The following ACOT7 variants were observed in gnomAD, a reference collection of about 807,000 sequenced individuals.
The protein encoded by ACOT7 is acyl-CoA thioesterase 7, also known as cytosolic acyl coenzyme A thioester hydrolase.
ACOT7 carries 12 observed loss-of-function variants against 40.2 expected under a neutral mutation model. That is an observed-to-expected ratio of 0.30 (90% CI 0.19 to 0.48). The LOEUF (loss-of-function observed/expected upper bound fraction) is 0.48, where lower values mean the gene tolerates loss of function less well. Among genes scored for constraint, ACOT7 ranks in the 20% least tolerant of loss-of-function variants. The pLI, the probability that ACOT7 is intolerant of heterozygous loss-of-function variation, is 0.99. For missense variants in ACOT7, 395 were observed against 530.8 expected (o/e 0.74, Z 2.51); for synonymous variants, 228 against 219.5 (o/e 1.04, Z -0.34).
intron 3 of ACOT7, among the ~76,000 whole-genome samples, chr1:6,334,318 C>A (rs1027853505): frequency 6.6e-6 from 1 of 152,262 alleles, no homozygotes; most frequent in African/African-American, 2.4e-5. Flanking sequence ...ATCCCATCCA[C>A]CTGTCTAAGC....
chr1:6,357,909 C>G (rs915955148), intron 1 of ACOT7, among the ~76,000 whole-genome samples: 3 of 151,602 alleles, frequency 2.0e-5, no homozygotes, highest in Non-Finnish European at 4.4e-5. Flanking sequence ...CTCTGTCACC[C>G]AGGCTGGAAT....
intron 1 of ACOT7, among the ~76,000 whole-genome samples, chr1:6,366,921 G>A (rs768695161): frequency 1.7e-4 from 26 of 151,494 alleles, no homozygotes; most frequent in Admixed American, 4.6e-4. Context: ...GAGTCAGGCC[G>A]GGCGCGGTGG....
chr1:6,305,016 G>A lies in ACOT7; in HGVS notation c.713-10036C>T, dbSNP rs1330435847. On this transcript the variant is annotated intron_variant, in intron 6 of 8. Transcript: ENST00000361521. The stretch of plus-strand genomic sequence containing the variant: ...CCTCCCGGACGGGGCGGCTGGCCGG[G>A]CGGGGCGCTGACCCCCCCGCCTCCC... 1.6e-4 allele frequency among the ~76,000 whole-genome samples: 24 copies of A among 149,888 alleles called. No homozygotes were observed. In the East Asian group the frequency reaches 2.7e-3, roughly 17 times the overall value.
intron 3 of ACOT7, among the ~76,000 whole-genome samples, chr1:6,333,958 G>A (rs372595793): frequency 1.3e-5 from 2 of 152,166 alleles, no homozygotes; most frequent in Non-Finnish European, 2.9e-5. Context: ...TTCAGACCAC[G>A]TGGTTTAAGC....
rs918531145 is a variant in ACOT7 at position 6,306,195 on chromosome 1, G to A, written c.713-11215C>T. ...GAGACCGTGGCAAGAGAGGGAGAGG[G>A]AGACCGTGGGGAGAGGGGGAGGGGG... On this transcript the variant is annotated intron_variant, in intron 6 of 8. Transcript: ENST00000361521. This position sits in a 1 kb window ranked among gnomAD's most constrained non-coding sequence, Gnocchi z 4.3. 3.0e-5 allele frequency: 28 copies of A among 939,102 alleles called. No homozygotes were observed. Among genetic ancestry groups the A allele is most frequent in the Non-Finnish European group, 3.5e-5 (28 of 792,448 alleles). The allele number at this position is 939,102 out of a possible 1,614,324, so 58.2% of individuals were successfully genotyped here.
intron 6 of ACOT7, among the ~76,000 whole-genome samples, chr1:6,307,415 G>A (rs1640187140): frequency 6.6e-6 from 1 of 152,256 alleles, no homozygotes. Context: ...GGGAATGCAG[G>A]AGTGAACAGA....
rs11807743 is a variant in ACOT7 at position 6,291,302 on chromosome 1, A to T, written c.829+3562T>A. Among the ~76,000 whole-genome samples, 161 of 152,178 alleles carry T rather than the reference A, an allele frequency of 1.1e-3. 1 individual carries two copies. Among genetic ancestry groups the T allele is most frequent in the African/African-American group, 3.7e-3 (153 of 41,532 alleles). ...CAAGTGTCCTTATAAGAGACAGAAG[A>T]GGAGAGACACACAGAGGAAGAGGCC... On this transcript the variant is annotated intron_variant, in intron 7 of 8. Coordinates refer to ENST00000361521, the MANE Select transcript of ACOT7 (RefSeq NM_007274.4).
intron 3 of ACOT7, among the ~76,000 whole-genome samples, chr1:6,336,541 G>A (rs1158468264): frequency 1.3e-5 from 2 of 152,134 alleles, no homozygotes; most frequent in Non-Finnish European, 2.9e-5. Flanking sequence ...GCACAGCCCA[G>A]GTAAAGGGGA....
chr1:6,279,481 G>C (rs973239571), intron 8 of ACOT7, among the ~76,000 whole-genome samples: 1 of 152,228 alleles, frequency 6.6e-6, no homozygotes, highest in Admixed American at 6.5e-5. Context: ...CCTCGCACCA[G>C]AAGGGGAGCA....
Position 6,264,618 on chromosome 1 carries a change from G to A in ACOT7, c.1092C>T (p.Gly364=), listed in dbSNP as rs1327199051. The A allele has an allele frequency of 3.1e-6, 5 of 1,612,898 alleles. No homozygotes were observed. The highest frequency in any genetic ancestry group is 4.2e-6 in the Non-Finnish European group (5 of 1,179,888). ...RYLQMKAKRQ[G]HAEPQP ...GAGTCTAGGGCTGAGGCTCCGCGTG[G>A]CCCTGTCGCTTCGCCTTCATCTGCA... Residue 364 remains glycine (G), a synonymous_variant, in exon 9 of 9, where the codon GGC becomes GGT. Coordinates refer to ENST00000361521, the MANE Select transcript of ACOT7 (RefSeq NM_007274.4).
chr1:6,365,337 C>T (rs372396850), intron 1 of ACOT7, among the ~76,000 whole-genome samples: 5 of 152,002 alleles, frequency 3.3e-5, no homozygotes, highest in African/African-American at 4.8e-5. Context: ...TCCAGATCAC[C>T]GCAACAAAGC....
At chr1:6,326,107 C>G (rs1040140140) in intron 5 of ACOT7, among the ~76,000 whole-genome samples, 5 of 152,230 alleles carry the variant, frequency 3.3e-5, no homozygotes, top group Non-Finnish European at 7.3e-5. Flanking sequence ...ATGAGGTACC[C>G]TGTGGAACCC....
chr1:6,309,117 G>A (rs978742869), intron 6 of ACOT7, among the ~76,000 whole-genome samples: 23 of 152,246 alleles, frequency 1.5e-4, no homozygotes, highest in African/African-American at 2.7e-4. Flanking sequence ...AGGCAAAACA[G>A]ACGTGGTCTC....
At chr1:6,387,081 C>T (rs1235887921) in intron 1 of ACOT7, among the ~76,000 whole-genome samples, 1 of 152,062 alleles carries the variant, frequency 6.6e-6, no homozygotes, top group African/African-American at 2.4e-5. Flanking sequence ...GACACAGGAG[C>T]GAGGCCCAGC....
rs1641161688 is a variant in ACOT7, at chr1:6,338,207, G to A, written c.418+1226C>T. On this transcript the variant is annotated intron_variant, in intron 3 of 8. Transcript: ENST00000361521. The surrounding 1 kb of genome is among the most constrained non-coding windows in gnomAD (Gnocchi z 4.4). ...AGCAGGAAGGTCCTAGGAAGCAGGA[G>A]AGCGCGGCAGGCCATCCCTCCTCTC... Among the ~76,000 whole-genome samples the A allele has an allele frequency of 6.6e-6, 1 of 152,146 alleles. No homozygotes were observed. The highest frequency in any genetic ancestry group is 2.4e-5 in the African/African-American group (1 of 41,432).
intron 5 of ACOT7, among the ~76,000 whole-genome samples, chr1:6,323,487 G>A (rs1383304677): frequency 2.0e-5 from 3 of 152,098 alleles, no homozygotes; most frequent in Non-Finnish European, 4.4e-5. Context: ...GGAGGCTGAG[G>A]CGGGCGGATC....
rs975790919 is a variant in ACOT7 at position 6,278,117 on chromosome 1, G to A, written c.1014+2985C>T. 2.0e-5 allele frequency among the ~76,000 whole-genome samples: 3 copies of A among 152,112 alleles called. No individual in the cohort carries two copies. Among genetic ancestry groups the A allele is most frequent in the African/African-American group, 7.2e-5 (3 of 41,412 alleles). On this transcript the variant is annotated intron_variant, in intron 8 of 8. Transcript: ENST00000361521. The surrounding 1 kb of genome is among the most constrained non-coding windows in gnomAD (Gnocchi z 4.1). Reference sequence around the variant, plus strand: ...TTGGGAGGGGGTCTGGGGTGGCGGAGGCGACGCTTCTCTAGAGCGGTTGTG... The same window carrying A: ...TTGGGAGGGGGTCTGGGGTGGCGGAAGCGACGCTTCTCTAGAGCGGTTGTG...
chr1:6,339,684 G>A (rs1231766841), intron 2 of ACOT7, 95 bp from the exon 3 acceptor site: 1 of 1,457,670 alleles, frequency 6.9e-7, no homozygotes, highest in African/African-American at 1.4e-5. Context: ...CTTTGCCTTT[G>A]CTTTCATTCC....
chr1:6,266,860 A>T (rs1007323008), intron 8 of ACOT7, among the ~76,000 whole-genome samples: 5 of 152,260 alleles, frequency 3.3e-5, no homozygotes, highest in African/African-American at 1.2e-4. Context: ...GAGCTGGGCG[A>T]CAAGGCAACA....
Sources: gnomAD v4.1 joint callset for allele counts (sites outside exome capture counted in the v4.1 genomes callset) on GRCh38, gnomAD v4.1.1 for gene constraint, Gnocchi (gnomAD v3.1) non-coding constraint, MANE v1.5 for transcripts, NCBI Gene and HGNC (gene_info 2026-07-23, HGNC 2026-07-21) for gene names.